Variants in DAPK2 observed in about 807,000 individuals in gnomAD.
DAPK2 encodes the protein death associated protein kinase 2, also known as death-associated protein kinase 2.
Under a neutral mutation model 44.1 loss-of-function variants are expected in DAPK2, and 35 were observed. The observed-to-expected ratio is 0.79, with a 90% CI of 0.61 to 1.05. The LOEUF (loss-of-function observed/expected upper bound fraction) is 1.05. DAPK2 is among the 50% of genes least tolerant of loss of function. The pLI, the probability that DAPK2 is intolerant of heterozygous loss-of-function variation, is 0.00. For missense variants in DAPK2, 453 were observed against 483.2 expected, an observed-to-expected ratio of 0.94 and a Z score of 0.59; for synonymous variants, 174 against 182.6, an observed-to-expected ratio of 0.95 and a Z score of 0.38.
In DAPK2 at chr15:63,987,858, C is replaced by T. The variant is rs73456730; in HGVS notation, c.93-4104G>A. Among the ~76,000 whole-genome samples, 295 of 152,262 alleles carry T rather than the reference C, an allele frequency of 1.9e-3. 3 individuals are homozygous for T. The highest frequency in any genetic ancestry group is 6.7e-3 in the African/African-American group (277 of 41,540). ...TGGGCAGCCTGTTCAACTCCCCAGG[C>T]CTCAGTTTCCTTCTTTGTCACATGG... On this transcript the variant is annotated intron_variant, in intron 1 of 10. Transcript: ENST00000261891.
Position 63,908,457 on chromosome 15 carries a change from T to A in DAPK2, c.*63A>T. On this transcript the variant is annotated 3_prime_UTR_variant, in exon 11 of 11. Coordinates refer to ENST00000261891, the Ensembl canonical transcript of DAPK2. This position sits in a 1 kb window ranked among gnomAD's most constrained non-coding sequence, Gnocchi z 5.7. ...GCTGGTGCTGAGCTGGGTCCAAAAGTCTGCACAGAAGGGAGCCCCGCTGGG... is the reference window on the plus strand; with the variant it reads ...GCTGGTGCTGAGCTGGGTCCAAAAGACTGCACAGAAGGGAGCCCCGCTGGG... The A allele has an allele frequency of 2.6e-6, 3 of 1,173,642 alleles. No individual in the cohort carries two copies. The highest frequency in any genetic ancestry group is 3.6e-6 in the Non-Finnish European group (3 of 844,412). 72.7% of individuals were successfully genotyped at this position (1,173,642 alleles called of 1,614,324 possible).
At chr15:63,925,493 G>A (rs1332171780) in intron 7 of DAPK2, among the ~76,000 whole-genome samples, 5 of 152,040 alleles carry the variant, frequency 3.3e-5, no homozygotes, top group Non-Finnish European at 5.9e-5. Flanking sequence ...CTGGAGAAGG[G>A]ATAGGGTTAG....
chr15:63,939,650 C>T lies in DAPK2; in HGVS notation c.454-289G>A, dbSNP rs777001911. ...TCATCTCCATTCTGTCTCTGAGTGG[C>T]AGATCCCTTTAATGCAGTGCCTCTG... On this transcript the variant is annotated intron_variant, in intron 3 of 10. Transcript: ENST00000261891. The surrounding 1 kb of genome is among the most constrained non-coding windows in gnomAD (Gnocchi z 4.3). 6.6e-6 allele frequency among the ~76,000 whole-genome samples: 1 copy of T among 152,184 alleles called. No individual in the cohort carries two copies. Among genetic ancestry groups the T allele is most frequent in the Non-Finnish European group, 1.5e-5 (1 of 68,022 alleles).
chr15:63,988,284 G>C (rs146969531), intron 1 of DAPK2, among the ~76,000 whole-genome samples: 1 of 151,984 alleles, frequency 6.6e-6, no homozygotes, highest in Non-Finnish European at 1.5e-5. Flanking sequence ...CTAGTTGTCT[G>C]CCCAGGACTC....
chr15:63,924,290 T>G (rs924877002), intron 8 of DAPK2, among the ~76,000 whole-genome samples: 3 of 152,186 alleles, frequency 2.0e-5, no homozygotes, highest in Non-Finnish European at 4.4e-5. Context: ...GGGAACAGAA[T>G]TGCCCTAACA....
At position 63,966,035 on chromosome 15, in the gene DAPK2, G is replaced by A. The variant is rs528414390; in HGVS notation, c.453+5388C>T. On this transcript the variant is annotated intron_variant, in intron 3 of 10. Transcript: ENST00000261891. The surrounding 1 kb of genome is among the most constrained non-coding windows in gnomAD (Gnocchi z 5.5). ...TTCCATAGCCACCACAGCTGGGAAT[G>A]TGCTGGGTCACACCTGAAGCCAGCA... Among the ~76,000 whole-genome samples the A allele has an allele frequency of 6.6e-6, 1 of 152,346 alleles. No individual in the cohort carries two copies. Among genetic ancestry groups the A allele is most frequent in the South Asian group, 2.1e-4 (1 of 4,830 alleles).
intron 1 of DAPK2, among the ~76,000 whole-genome samples, chr15:64,012,332 C>CT (rs1458317826): frequency 3.9e-5 from 6 of 152,232 alleles, no homozygotes; most frequent in African/African-American, 1.4e-4. Flanking sequence ...AATCGATGCA[C>CT]TAACAATTCC....
intron 1 of DAPK2, among the ~76,000 whole-genome samples, chr15:64,019,844 C>T (rs1157998263): frequency 6.6e-6 from 1 of 152,218 alleles, no homozygotes; most frequent in Non-Finnish European, 1.5e-5. Context: ...TTATTAGTGA[C>T]ACACCTATGC....
rs749996059 is a variant in DAPK2 at position 63,939,241 on chromosome 15, C to T, written c.574G>A (p.Glu192Lys). 6.2e-7 allele frequency: 1 copy of T among 1,613,468 alleles called. No homozygotes were observed. The highest frequency in any genetic ancestry group is 1.1e-5 in the South Asian group (1 of 90,986). The stretch of plus-strand genomic sequence containing the variant: ...CAGGCCTACAACTCACCAACAAATT[C>T]CGGCGTCCCAAAAATATTCTTAAAT... Residue 192 changes from glutamate to lysine, a missense_variant, in exon 4 of 11, where the codon GAA (glutamate) becomes AAA (lysine). Physicochemically the swap from Glu to Lys is moderately conservative, Grantham distance 56. Transcript: ENST00000261891. The surrounding 1 kb of genome is among the most constrained non-coding windows in gnomAD (Gnocchi z 4.3).
Position 63,950,507 on chromosome 15 carries a change from A to G in DAPK2, c.454-11146T>C, listed in dbSNP as rs149851676. Among the ~76,000 whole-genome samples the G allele has an allele frequency of 7.7e-3, 1,165 of 152,248 alleles. 16 individuals carry two copies. The highest frequency in any genetic ancestry group is 0.027 in the African/African-American group (1,102 of 41,538). The stretch of plus-strand genomic sequence containing the variant: ...TGCTGGGATTACAGCCATGAGCCAC[A>G]GTGCCCAGCCAGAAAGAGAAAACAA... On this transcript the variant is annotated intron_variant, in intron 3 of 10. Coordinates refer to ENST00000261891, the Ensembl canonical transcript of DAPK2.
At chr15:63,915,232 G>T (rs1234773781) in intron 8 of DAPK2, among the ~76,000 whole-genome samples, 1 of 152,192 alleles carries the variant, frequency 6.6e-6, no homozygotes, top group East Asian at 1.9e-4. Context: ...TGAATCTGAG[G>T]ATGTGGAACT....
At position 63,917,535 on chromosome 15, in the gene DAPK2, T is replaced by C. The variant is rs2078959043; in HGVS notation, c.859-5338A>G. ...CTTGATTCCTGCTGGAGCGGGGTCA[T>C]AGGTCCTGGAATCCACTATCCCATT... is the stretch of plus-strand genomic sequence containing the variant. On this transcript the variant is annotated intron_variant, in intron 8 of 10. Coordinates refer to ENST00000261891, the Ensembl canonical transcript of DAPK2. The surrounding 1 kb of genome is among the most constrained non-coding windows in gnomAD (Gnocchi z 4.4). 1 of 152,190 alleles carries C rather than the reference T, an allele frequency of 6.6e-6. No homozygotes were observed. The highest frequency in any genetic ancestry group is 1.5e-5 in the Non-Finnish European group (1 of 68,030). 9.4% of individuals were successfully genotyped at this position (152,190 alleles called of 1,614,324 possible).
At chr15:63,995,522 A>G (rs2078930301) in intron 1 of DAPK2, among the ~76,000 whole-genome samples, 3 of 152,180 alleles carry the variant, frequency 2.0e-5, no homozygotes, top group South Asian at 2.1e-4. Context: ...TGTTACTTCA[A>G]TCACCCAACT....
At chr15:64,005,594 G>A (rs991553807) in intron 1 of DAPK2, among the ~76,000 whole-genome samples, 7 of 151,992 alleles carry the variant, frequency 4.6e-5, no homozygotes, top group African/African-American at 1.7e-4. Flanking sequence ...CATGCCTAAG[G>A]CCAACAGCAA....
At position 64,020,709 on chromosome 15, in the gene DAPK2, C is replaced by T. The variant is rs920356292; in HGVS notation, c.92+19461G>A. 2.2e-4 allele frequency among the ~76,000 whole-genome samples: 33 copies of T among 152,154 alleles called. No homozygotes were observed. Among genetic ancestry groups the T allele is most frequent in the African/African-American group, 8.0e-4 (33 of 41,430 alleles). ...ATCATGGAATGACGTCAGGGTAGCC[C>T]CTTGACAGCAGGCCTCTAAAGAAAG... On this transcript the variant is annotated intron_variant, in intron 1 of 10. Transcript: ENST00000261891. This position sits in a 1 kb window ranked among gnomAD's most constrained non-coding sequence, Gnocchi z 4.5.
At chr15:63,944,889 T>C (rs957400560) in intron 3 of DAPK2, among the ~76,000 whole-genome samples, 3 of 152,088 alleles carry the variant, frequency 2.0e-5, no homozygotes, top group African/African-American at 7.2e-5. Context: ...CTGTACCTGC[T>C]CTATATCCCC....
chr15:64,022,269 G>C (rs2079705200), intron 1 of DAPK2, among the ~76,000 whole-genome samples: 1 of 152,116 alleles, frequency 6.6e-6, no homozygotes, highest in African/African-American at 2.4e-5. Flanking sequence ...TACTAAAAGA[G>C]CACCTGCAAT....
intron 3 of DAPK2, among the ~76,000 whole-genome samples, chr15:63,941,267 C>T (rs981872497): frequency 6.6e-6 from 1 of 152,186 alleles, no homozygotes; most frequent in Non-Finnish European, 1.5e-5. Flanking sequence ...TGAGCACCCT[C>T]CACCACCCCC....
intron 7 of DAPK2, among the ~76,000 whole-genome samples, chr15:63,925,218 G>T (rs1157237011): frequency 1.1e-4 from 16 of 152,124 alleles, no homozygotes; most frequent in Admixed American, 1.0e-3. Context: ...TTGCCTCCTG[G>T]ATCCGTTCTC....
Sources: allele counts gnomAD v4.1 joint callset (sites outside exome capture counted in the v4.1 genomes callset), GRCh38; gene constraint gnomAD v4.1.1; non-coding constraint Gnocchi (gnomAD v3.1); transcripts MANE v1.5; gene names NCBI Gene and HGNC (gene_info 2026-07-23, HGNC 2026-07-21).